The following ESR1 variants were observed in gnomAD, a reference collection of about 807,000 sequenced individuals.
ESR1 encodes the protein estrogen receptor.
A neutral mutation model predicts 52.7 loss-of-function variants in ESR1; 12 were observed. The observed-to-expected ratio is 0.23, with a 90% CI of 0.15 to 0.37. The LOEUF is 0.37. ESR1 is among the 10% of genes least tolerant of loss of function. The pLI is 1.00. For synonymous variants in ESR1, 305 were observed against 316.8 expected (o/e 0.96, Z 0.39); for missense variants, 584 against 779.7 (o/e 0.75, Z 2.99).
intron 5 of ESR1, among the ~76,000 whole-genome samples, chr6:152,042,548 T>TTG (rs2045894684): frequency 6.6e-6 from 1 of 152,108 alleles, no homozygotes; most frequent in African/African-American, 2.4e-5. Flanking sequence ...ACTGCATAAA[T>TTG]TGTCAGCAAT....
intron 4 of ESR1, among the ~76,000 whole-genome samples, chr6:151,950,091 T>C (rs749311883): frequency 2.6e-5 from 4 of 152,236 alleles, no homozygotes; most frequent in Non-Finnish European, 4.4e-5. Context: ...GCACAAGCTC[T>C]TCTTCTCTTG....
intron 3 of ESR1, among the ~76,000 whole-genome samples, chr6:151,930,979 C>T (rs2033512357): frequency 6.6e-6 from 1 of 152,104 alleles, no homozygotes; most frequent in South Asian, 2.1e-4. Flanking sequence ...GGTTTTTCTA[C>T]AGTTTGAATA....
At chr6:151,894,115 T>C (rs1436678822) in intron 3 of ESR1, among the ~76,000 whole-genome samples, 2 of 152,228 alleles carry the variant, frequency 1.3e-5, no homozygotes, top group African/African-American at 4.8e-5. Context: ...TGGTATTGCA[T>C]TGTGGTTTTG....
intron 2 of ESR1, among the ~76,000 whole-genome samples, chr6:151,864,834 A>G (rs1433018766): frequency 6.6e-6 from 1 of 151,680 alleles, no homozygotes; most frequent in Non-Finnish European, 1.5e-5. Flanking sequence ...AAACTATTGC[A>G]AGGACAAAAA....
chr6:151,710,304 A>G (rs1435331413), intron 2 of ESR1, among the ~76,000 whole-genome samples: 1 of 151,966 alleles, frequency 6.6e-6, no homozygotes, highest in Non-Finnish European at 1.5e-5. Flanking sequence ...ATTTAGTCAG[A>G]AGAAAGATAC....
Position 152,045,685 on chromosome 6 carries a change from T to C in ESR1, c.1236-15306T>C, listed in dbSNP as rs572102909. ...TTGTTAGCACTGAGTAAGAACTCAA[T>C]GAAGGTTAGCTTTCATTGGTACTAT... On this transcript the variant is annotated intron_variant, in intron 5 of 7. Transcript: ENST00000206249. 5.9e-5 allele frequency among the ~76,000 whole-genome samples: 9 copies of C among 152,296 alleles called. No homozygotes were observed. In the South Asian group the frequency reaches 8.3e-4, roughly 14 times the overall value.
At chr6:152,016,370 A>C (rs1350189602) in intron 5 of ESR1, among the ~76,000 whole-genome samples, 1 of 152,128 alleles carries the variant, frequency 6.6e-6, no homozygotes, top group Non-Finnish European at 1.5e-5. Flanking sequence ...TAATATTTAC[A>C]AATAACATGA....
At chr6:151,779,629 A>G (rs1282176135) in intron 2 of ESR1, among the ~76,000 whole-genome samples, 1 of 152,204 alleles carries the variant, frequency 6.6e-6, no homozygotes, top group Admixed American at 6.5e-5. Context: ...TTCCTCAAGG[A>G]TCTAGAACTA....
intron 2 of ESR1, among the ~76,000 whole-genome samples, chr6:151,847,449 A>T (rs1056905358): frequency 3.3e-5 from 5 of 150,758 alleles, no homozygotes; most frequent in East Asian, 2.0e-4. Context: ...GTGTGAGATG[A>T]TATCTCATAG....
intron 3 of ESR1, among the ~76,000 whole-genome samples, chr6:151,900,419 G>A (rs904190145): frequency 3.3e-5 from 5 of 151,966 alleles, no homozygotes; most frequent in African/African-American, 9.7e-5. Flanking sequence ...CTTAACAATC[G>A]ACCTTCTGAA....
At chr6:151,901,860 T>C in intron 3 of ESR1, among the ~76,000 whole-genome samples, 1 of 152,194 alleles carries the variant, frequency 6.6e-6, no homozygotes, top group East Asian at 1.9e-4. Flanking sequence ...TTTCCTGGTA[T>C]ATTCCTGTAG....
Position 151,808,113 on chromosome 6 carries a change from C to A in ESR1, c.201C>A (p.Ala67=). The change falls in exon 1 of 8, where the codon GCC becomes GCA. Residue 67 remains alanine, a synonymous_variant. Transcript: ENST00000206249. Reference sequence around the variant, plus strand: ...CCTACGAGTTCAACGCCGCGGCCGCCGCCAACGCGCAGGTCTACGGTCAGA... The same window carrying A: ...CCTACGAGTTCAACGCCGCGGCCGCAGCCAACGCGCAGGTCTACGGTCAGA... ...GAAYEFNAAA[A]ANAQVYGQTG... is the part of the protein sequence containing the mutation. 1.2e-6 allele frequency: 2 copies of A among 1,611,068 alleles called. No homozygotes were observed. The highest frequency in any genetic ancestry group is 1.7e-6 in the Non-Finnish European group (2 of 1,179,128).
intron 2 of ESR1, among the ~76,000 whole-genome samples, chr6:151,769,921 G>C (rs1015088552): frequency 6.6e-6 from 1 of 151,932 alleles, no homozygotes; most frequent in South Asian, 2.1e-4. Flanking sequence ...CCGGCTACTC[G>C]GGAAACTGAG....
chr6:152,037,762 T>C (rs764576481), intron 5 of ESR1, among the ~76,000 whole-genome samples: 2 of 152,128 alleles, frequency 1.3e-5, no homozygotes, highest in Non-Finnish European at 2.9e-5. Context: ...AGGTTTATAG[T>C]GGTTAAGTTT....
intron 3 of ESR1, among the ~76,000 whole-genome samples, chr6:151,910,591 A>G (rs1798113804): frequency 2.0e-5 from 3 of 152,326 alleles, no homozygotes; most frequent in African/African-American, 2.4e-5. Context: ...CTATAAAATG[A>G]TGATGAAAAT....
At chr6:152,031,089 A>G (rs1186919622) in intron 5 of ESR1, among the ~76,000 whole-genome samples, 1 of 152,188 alleles carries the variant, frequency 6.6e-6, no homozygotes, top group Non-Finnish European at 1.5e-5. Flanking sequence ...TTTGAAACCA[A>G]TGAGAACAAA....
intron 1 of ESR1, among the ~76,000 whole-genome samples, chr6:151,828,488 G>A (rs773453363): frequency 3.9e-5 from 6 of 152,142 alleles, no homozygotes; most frequent in Non-Finnish European, 5.9e-5. Context: ...AAAAAAACAT[G>A]AGCCAAGGCA....
intron 4 of ESR1, among the ~76,000 whole-genome samples, chr6:151,990,370 T>C (rs2040891410): frequency 1.3e-5 from 2 of 151,762 alleles, no homozygotes; most frequent in Admixed American, 6.6e-5. Flanking sequence ...TAAAAAATTA[T>C]TTTTTTAGTC....
intron 5 of ESR1, among the ~76,000 whole-genome samples, chr6:152,014,651 T>C (rs2043030783): frequency 6.6e-6 from 1 of 152,130 alleles, no homozygotes; most frequent in Non-Finnish European, 1.5e-5. Context: ...AAGTCATCTA[T>C]GAACTGCTTC....
Sources: allele counts gnomAD v4.1 joint callset (sites outside exome capture counted in the v4.1 genomes callset), GRCh38; gene constraint gnomAD v4.1.1; transcripts MANE v1.5; gene names NCBI Gene and HGNC (gene_info 2026-07-23, HGNC 2026-07-21).